PTPRD: variants seen among roughly 807,000 people sequenced by gnomAD.
PTPRD encodes the protein receptor-type tyrosine-protein phosphatase delta.
In PTPRD, 34 loss-of-function variants were observed where a neutral mutation model predicts 214.5. That is an observed-to-expected ratio of 0.16 (90% confidence interval 0.12 to 0.21). PTPRD has a LOEUF of 0.21. PTPRD is among the 10% of genes least tolerant of loss of function. The pLI, the probability that PTPRD is intolerant of heterozygous loss-of-function variation, is 1.00. For missense variants in PTPRD, 2,545 were observed against 2,398.7 expected (o/e 1.06, Z -1.27); for synonymous variants, 1,128 against 845.7 (o/e 1.33, Z -5.79).
intron 14 of PTPRD, among the ~76,000 whole-genome samples, chr9:8,554,578 T>G (rs1261901189): frequency 5.3e-5 from 8 of 152,328 alleles, no homozygotes; most frequent in Admixed American, 5.2e-4. Flanking sequence ...AGTCCAATTG[T>G]GACACATTAA....
intron 8 of PTPRD, among the ~76,000 whole-genome samples, chr9:9,506,119 A>T (rs1229172227): frequency 6.6e-6 from 1 of 151,534 alleles, no homozygotes; most frequent in Admixed American, 6.6e-5. Flanking sequence ...TATTCTTGTT[A>T]AATTTTCAAA....
chr9:9,826,493 T>C (rs563402693), intron 5 of PTPRD, among the ~76,000 whole-genome samples: 19 of 152,082 alleles, frequency 1.2e-4, no homozygotes, highest in South Asian at 4.1e-4. Flanking sequence ...AATTAGCTAA[T>C]CCAGAGACAG....
intron 3 of PTPRD, among the ~76,000 whole-genome samples, chr9:10,208,513 C>CA (rs2099497720): frequency 1.3e-5 from 2 of 152,132 alleles, no homozygotes. Context: ...GACTGCGTCT[C>CA]AAAAAATAAA....
intron 5 of PTPRD, among the ~76,000 whole-genome samples, chr9:9,925,331 G>C (rs185698815): frequency 6.6e-6 from 1 of 151,950 alleles, no homozygotes; most frequent in Non-Finnish European, 1.5e-5. Context: ...ACAAAAATGT[G>C]TATATTTAAT....
intron 7 of PTPRD, among the ~76,000 whole-genome samples, chr9:9,724,372 A>G (rs1324816244): frequency 5.9e-5 from 9 of 152,174 alleles, no homozygotes; most frequent in African/African-American, 1.4e-4. Flanking sequence ...GCTCAACTCA[A>G]TAAACATAGT....
intron 3 of PTPRD, among the ~76,000 whole-genome samples, chr9:10,143,804 C>A (rs2099004175): frequency 6.6e-6 from 1 of 151,994 alleles, no homozygotes; most frequent in Non-Finnish European, 1.5e-5. Flanking sequence ...AACACAGAAG[C>A]AGAAAGCCAA....
At chr9:10,159,127 G>A (rs531178543) in intron 3 of PTPRD, among the ~76,000 whole-genome samples, 6 of 151,804 alleles carry the variant, frequency 4.0e-5, no homozygotes, top group African/African-American at 1.5e-4. Context: ...TAGAACTCAG[G>A]TAAATATGGG....
intron 2 of PTPRD, among the ~76,000 whole-genome samples, chr9:10,540,094 G>C (rs1429087088): frequency 6.6e-6 from 1 of 152,054 alleles, no homozygotes; most frequent in Non-Finnish European, 1.5e-5. Flanking sequence ...GCAGTGGCAT[G>C]GTCTTGGCTC....
chr9:9,812,105 G>A (rs1056335120), intron 5 of PTPRD, among the ~76,000 whole-genome samples: 1 of 148,972 alleles, frequency 6.7e-6, no homozygotes, highest in Non-Finnish European at 1.5e-5. Context: ...GCAGTTTTTA[G>A]CAACAAGTTA....
chr9:8,763,375 A>T (rs1324347608), intron 11 of PTPRD, among the ~76,000 whole-genome samples: 1 of 151,944 alleles, frequency 6.6e-6, no homozygotes, highest in Admixed American at 6.6e-5. Flanking sequence ...TTAGCTGGGT[A>T]TGGTGGCTCA....
chr9:8,925,422 G>C (rs565293618), intron 11 of PTPRD, among the ~76,000 whole-genome samples: 12 of 152,040 alleles, frequency 7.9e-5, no homozygotes, highest in African/African-American at 2.9e-4. Context: ...AAGCAAGTAA[G>C]TCACCTACAT....
At chr9:10,262,680 C>G (rs1303410009) in intron 3 of PTPRD, among the ~76,000 whole-genome samples, 5 of 152,212 alleles carry the variant, frequency 3.3e-5, no homozygotes, top group African/African-American at 1.2e-4. Context: ...GAATAAGTCA[C>G]TTTACCTCTC....
intron 7 of PTPRD, among the ~76,000 whole-genome samples, chr9:9,659,815 C>T (rs2096588813): frequency 6.6e-6 from 1 of 151,854 alleles, no homozygotes; most frequent in South Asian, 2.1e-4. Context: ...TGGGACGTTC[C>T]CAATAAACTA....
intron 27 of PTPRD, among the ~76,000 whole-genome samples, chr9:8,488,606 T>C (rs923540358): frequency 1.3e-5 from 2 of 152,222 alleles, no homozygotes; most frequent in African/African-American, 4.8e-5. Context: ...ACACCACCCA[T>C]CCATAAGTTG....
chr9:10,562,495 C>A (rs2064279286), intron 2 of PTPRD, among the ~76,000 whole-genome samples: 1 of 151,982 alleles, frequency 6.6e-6, no homozygotes, highest in Non-Finnish European at 1.5e-5. Context: ...TTAGTTCATG[C>A]ATCTATTTGA....
chr9:10,161,351 T>A (rs2099126090), intron 3 of PTPRD, among the ~76,000 whole-genome samples: 1 of 151,846 alleles, frequency 6.6e-6, no homozygotes, highest in Non-Finnish European at 1.5e-5. Context: ...ACCAGACACA[T>A]ACATCAATGG....
In PTPRD at chr9:9,511,623, C is replaced by T. The variant is rs146485500; in HGVS notation, c.-237+63109G>A. Among the ~76,000 whole-genome samples the T allele has an allele frequency of 9.2e-4, 140 of 151,830 alleles. 1 individual carries two copies. The highest frequency in any genetic ancestry group is 2.7e-4 in the Non-Finnish European group (18 of 67,766). On this transcript the variant is annotated intron_variant, in intron 8 of 45. Coordinates refer to ENST00000381196, the MANE Select transcript of PTPRD (RefSeq NM_002839.4). ...AGCAACATCAACATCATATCTCTTGCATTGCTTTAATTCAGTATGACTTGA... is the reference window on the plus strand; with the variant it reads ...AGCAACATCAACATCATATCTCTTGTATTGCTTTAATTCAGTATGACTTGA...
At chr9:8,345,887 C>T (rs933010480) in intron 39 of PTPRD, among the ~76,000 whole-genome samples, 17 of 152,138 alleles carry the variant, frequency 1.1e-4, no homozygotes, top group East Asian at 1.9e-4. Context: ...ATCAATTTCA[C>T]GGATTACATA....
At chr9:10,257,747 G>A (rs2093392001) in intron 3 of PTPRD, among the ~76,000 whole-genome samples, 1 of 152,074 alleles carries the variant, frequency 6.6e-6, no homozygotes, top group Non-Finnish European at 1.5e-5. Context: ...GACCAACGTA[G>A]GCCAAGCTGA....
Sources: allele counts gnomAD v4.1 joint callset (sites outside exome capture counted in the v4.1 genomes callset), GRCh38; gene constraint gnomAD v4.1.1; transcripts MANE v1.5; gene names NCBI Gene and HGNC (gene_info 2026-07-23, HGNC 2026-07-21).